EYA2: variants seen among roughly 807,000 people sequenced by gnomAD.
The protein encoded by EYA2 is protein phosphatase EYA2.
EYA2 carries 31 observed loss-of-function variants against 69.2 expected under a neutral mutation model. That is an observed-to-expected ratio of 0.45 (90% CI 0.34 to 0.60). The LOEUF (loss-of-function observed/expected upper bound fraction) is 0.60, where lower values mean the gene tolerates loss of function less well. Ranked by LOEUF, EYA2 falls within the 20% of genes least tolerant of loss-of-function variation. The pLI, the probability that EYA2 is intolerant of heterozygous loss-of-function variation, is 0.02. For missense variants in EYA2, 622 were observed against 701.2 expected, an observed-to-expected ratio of 0.89 and a Z score of 1.28; for synonymous variants, 257 against 279.4, an observed-to-expected ratio of 0.92 and a Z score of 0.80.
chr20:47,032,355 CT>C (rs201494215), intron 5 of EYA2, among the ~76,000 whole-genome samples: 2,366 of 152,314 alleles, frequency 0.016, 63 homozygotes, highest in African/African-American at 0.053. Context: ...GCTTAGCCCC[CT>C]AGTCCTGAAT....
At chr20:47,109,272 T>C (rs2032681989) in intron 9 of EYA2, among the ~76,000 whole-genome samples, 1 of 151,974 alleles carries the variant, frequency 6.6e-6, no homozygotes, top group East Asian at 1.9e-4. Context: ...AATTTTATTA[T>C]TTTCTTAAGT....
At chr20:47,070,950 G>C (rs968684497) in intron 5 of EYA2, among the ~76,000 whole-genome samples, 2 of 152,106 alleles carry the variant, frequency 1.3e-5, no homozygotes, top group Non-Finnish European at 2.9e-5. Context: ...CTAGGTTCAA[G>C]CAATCCCCCC....
chr20:47,019,065 G>T (rs761622044), intron 5 of EYA2, among the ~76,000 whole-genome samples: 10 of 152,190 alleles, frequency 6.6e-5, no homozygotes, highest in Non-Finnish European at 1.2e-4. Flanking sequence ...AGGTCACACG[G>T]CCATGGCAGT....
intron 1 of EYA2, among the ~76,000 whole-genome samples, chr20:46,969,280 C>A (rs1367349388): frequency 1.3e-5 from 2 of 151,940 alleles, no homozygotes; most frequent in African/African-American, 4.8e-5. Flanking sequence ...TGCAGTGATG[C>A]AATCTTGGCT....
chr20:47,059,553 G>C lies in EYA2; in HGVS notation c.416-12632G>C, dbSNP rs1372970627. Among the ~76,000 whole-genome samples, 5 of 152,160 alleles carry C rather than the reference G, an allele frequency of 3.3e-5. No homozygotes were observed. In the East Asian group the frequency reaches 7.7e-4, roughly 23 times the overall value. ...TTTAGTAGAGACGGGGTTTTGCCCT[G>C]TTGGCCAGGCTGGTCTCGAACTCCT... On this transcript the variant is annotated intron_variant, in intron 5 of 15. Coordinates refer to ENST00000327619, the MANE Select transcript of EYA2 (RefSeq NM_005244.5).
intron 9 of EYA2, among the ~76,000 whole-genome samples, chr20:47,130,351 G>A (rs553425181): frequency 2.4e-5 from 3 of 124,128 alleles, no homozygotes; most frequent in South Asian, 5.5e-4. Flanking sequence ...TGCAAGCTCC[G>A]CCTCCCAGGT....
intron 1 of EYA2, among the ~76,000 whole-genome samples, chr20:46,944,543 C>A (rs757451631): frequency 2.7e-5 from 4 of 150,116 alleles, no homozygotes; most frequent in African/African-American, 4.9e-5. Flanking sequence ...AGGGCACTTT[C>A]TGAACCTCAG....
At chr20:46,918,170 A>C (rs1985003155) in intron 1 of EYA2, among the ~76,000 whole-genome samples, 1 of 151,568 alleles carries the variant, frequency 6.6e-6, no homozygotes, top group African/African-American at 2.4e-5. Flanking sequence ...AAATACAAAA[A>C]ATTAGCCGGG....
chr20:46,906,323 T>G (rs2032661031), intron 1 of EYA2, among the ~76,000 whole-genome samples: 1 of 152,244 alleles, frequency 6.6e-6, no homozygotes, highest in African/African-American at 2.4e-5. Flanking sequence ...GTTTTAAAAC[T>G]CATCCCCGCA....
At position 47,074,302 on chromosome 20, in the gene EYA2, A is replaced by G. The variant is rs760087651; in HGVS notation, c.628A>G (p.Asn210Asp). 6 of 1,613,994 alleles carry G rather than the reference A, an allele frequency of 3.7e-6. No homozygotes were observed. The Admixed American group carries it at 8.3e-5, about 22-fold the overall frequency. Residue 210 changes from asparagine (N) to aspartate (D), a missense_variant, in exon 7 of 16, where the codon AAC becomes GAC. By Grantham distance (23) the Asn-to-Asp change is conservative (BLOSUM62 1). Coordinates refer to ENST00000327619, the MANE Select transcript of EYA2 (RefSeq NM_005244.5). ...STYVLQEASHNVPNQSSESLA... is the reference protein window; with the variant it reads ...STYVLQEASHDVPNQSSESLA... The stretch of plus-strand genomic sequence containing the variant: ...CTACGTCCTCCAGGAGGCATCTCAC[A>G]ACGTCCCCAACCAGAGTTCCGAGTC...
chr20:47,148,366 T>G (rs1010743659), intron 10 of EYA2, among the ~76,000 whole-genome samples: 4 of 152,166 alleles, frequency 2.6e-5, no homozygotes, highest in African/African-American at 9.7e-5. Context: ...TGTGGGGGCC[T>G]TTCCACCAGG....
At chr20:46,969,370 A>G (rs1191424872) in intron 1 of EYA2, among the ~76,000 whole-genome samples, 1 of 152,198 alleles carries the variant, frequency 6.6e-6, no homozygotes, top group Non-Finnish European at 1.5e-5. Context: ...GGCATGAGCC[A>G]CCGTGCCCGG....
At chr20:47,045,967 G>A (rs2030015143) in intron 5 of EYA2, among the ~76,000 whole-genome samples, 1 of 152,130 alleles carries the variant, frequency 6.6e-6, no homozygotes, top group Non-Finnish European at 1.5e-5. Context: ...ACATCTTAAG[G>A]CTAACGTCTA....
At chr20:47,113,044 G>A (rs2032793684) in intron 9 of EYA2, among the ~76,000 whole-genome samples, 1 of 151,486 alleles carries the variant, frequency 6.6e-6, no homozygotes, top group Admixed American at 6.6e-5. Flanking sequence ...GCTAATTTTT[G>A]TATTTTTAGT....
intron 9 of EYA2, among the ~76,000 whole-genome samples, chr20:47,136,820 C>G (rs912550072): frequency 1.3e-5 from 2 of 152,086 alleles, no homozygotes; most frequent in Non-Finnish European, 2.9e-5. Context: ...CATAGCCTCT[C>G]TCCTGAAGGG....
At chr20:47,171,379 T>C (rs765327012) in intron 11 of EYA2, among the ~76,000 whole-genome samples, 6 of 152,154 alleles carry the variant, frequency 3.9e-5, no homozygotes, top group Non-Finnish European at 8.8e-5. Flanking sequence ...GAAATGCCTC[T>C]TGTTTGTTTT....
Position 47,172,698 on chromosome 20 carries a change from T to C in EYA2, c.1038-9T>C, listed in dbSNP as rs1203350124. ...CACTAACACTGTCCCTCCCCTCCTC[T>C]CTCCGCAGCACATACAACTTCTCCG... On this transcript the variant is annotated splice_polypyrimidine_tract_variant and intron_variant, in intron 11 of 15. Transcript: ENST00000327619. The C allele has an allele frequency of 1.2e-6, 2 of 1,602,946 alleles. No homozygotes were observed. Among genetic ancestry groups the C allele is most frequent in the Non-Finnish European group, 1.7e-6 (2 of 1,174,340 alleles).
chr20:46,926,103 A>G (rs1985400973), intron 1 of EYA2, among the ~76,000 whole-genome samples: 1 of 152,262 alleles, frequency 6.6e-6, no homozygotes, highest in Non-Finnish European at 1.5e-5. Flanking sequence ...GAATAAGAAT[A>G]TACATCCACA....
intron 8 of EYA2, among the ~76,000 whole-genome samples, chr20:47,094,655 A>T (rs1019431604): frequency 6.6e-6 from 1 of 152,214 alleles, no homozygotes; most frequent in Non-Finnish European, 1.5e-5. Flanking sequence ...CCCCTTCTCA[A>T]CACTAGCTAC....
Sources: allele counts gnomAD v4.1 joint callset (sites outside exome capture counted in the v4.1 genomes callset), GRCh38; gene constraint gnomAD v4.1.1; transcripts MANE v1.5; gene names NCBI Gene and HGNC (gene_info 2026-07-23, HGNC 2026-07-21).